Variants in ITCH observed in about 807,000 individuals in gnomAD.
ITCH encodes E3 ubiquitin-protein ligase Itchy homolog.
A neutral mutation model predicts 126.8 loss-of-function variants in ITCH; 28 were observed. The ratio of observed to expected loss-of-function variants is 0.22; its 90% CI spans 0.16 to 0.30. The LOEUF is 0.30. Among genes scored for constraint, ITCH ranks in the 10% least tolerant of loss-of-function variants. The probability of loss-of-function intolerance (pLI) is 1.00; values close to 1 mark genes in which losing one functional copy is unlikely to be tolerated. For synonymous variants in ITCH, 342 were observed against 340.0 expected, an observed-to-expected ratio of 1.01 and a Z score of -0.06; for missense variants, 631 against 1,032.4, an observed-to-expected ratio of 0.61 and a Z score of 5.33.
At chr20:34,482,078 A>T (rs1202859069) in intron 20 of ITCH, among the ~76,000 whole-genome samples, 1 of 152,236 alleles carries the variant, frequency 6.6e-6, no homozygotes, top group Non-Finnish European at 1.5e-5. Context: ...TCATGCAAAC[A>T]GCAGGGGAAA....
intron 3 of ITCH, among the ~76,000 whole-genome samples, chr20:34,394,427 T>G (rs1480743149): frequency 2.0e-5 from 3 of 152,116 alleles, no homozygotes; most frequent in Admixed American, 2.0e-4. Context: ...TATTAACAGC[T>G]TTATTGAGAT....
At chr20:34,376,108 T>C (rs1329616411) in intron 2 of ITCH, among the ~76,000 whole-genome samples, 1 of 152,124 alleles carries the variant, frequency 6.6e-6, no homozygotes, top group Non-Finnish European at 1.5e-5. Context: ...ATTACCACTG[T>C]GGGCAGAATT....
chr20:34,504,188 T>C, intron 23 of ITCH, 143 bp from the exon 24 acceptor site: 1 of 705,004 alleles, frequency 1.4e-6, no homozygotes, highest in Non-Finnish European at 2.6e-6. Context: ...ACCCAGAGTT[T>C]CTGAATTAGT....
At chr20:34,457,104 G>C (rs1019366190) in intron 12 of ITCH, among the ~76,000 whole-genome samples, 9 of 152,010 alleles carry the variant, frequency 5.9e-5, no homozygotes, top group Non-Finnish European at 1.2e-4. Flanking sequence ...CTAAATAACT[G>C]TTCATTATTC....
At chr20:34,485,160 T>A (rs1046105731) in intron 20 of ITCH, among the ~76,000 whole-genome samples, 4 of 152,246 alleles carry the variant, frequency 2.6e-5, no homozygotes, top group African/African-American at 9.6e-5. Context: ...TATTCCATGC[T>A]GTGTATATCT....
intron 16 of ITCH, among the ~76,000 whole-genome samples, chr20:34,473,200 T>C (rs1987811413): frequency 6.6e-6 from 1 of 152,178 alleles, no homozygotes; most frequent in South Asian, 2.1e-4. Flanking sequence ...TTGGATAAAA[T>C]TGCTCTGGGA....
At chr20:34,398,992 C>T (rs1430175922) in intron 3 of ITCH, among the ~76,000 whole-genome samples, 2 of 152,166 alleles carry the variant, frequency 1.3e-5, no homozygotes, top group African/African-American at 4.8e-5. Flanking sequence ...TCCTTAATGA[C>T]ATCGTGGGTT....
intron 7 of ITCH, among the ~76,000 whole-genome samples, chr20:34,428,064 C>G (rs139302765): frequency 6.6e-6 from 1 of 152,288 alleles, no homozygotes; most frequent in Non-Finnish European, 1.5e-5. Flanking sequence ...CTGAGACTGC[C>G]TGACAAATCT....
intron 2 of ITCH, among the ~76,000 whole-genome samples, chr20:34,386,386 T>G (rs965008694): frequency 1.3e-5 from 2 of 152,200 alleles, no homozygotes; most frequent in Admixed American, 6.5e-5. Flanking sequence ...GTAGTGTTTT[T>G]GGGAACATGA....
chr20:34,375,675 C>A (rs550981021), intron 2 of ITCH, among the ~76,000 whole-genome samples: 1 of 141,440 alleles, frequency 7.1e-6, no homozygotes, highest in Non-Finnish European at 1.5e-5. Flanking sequence ...GGAATACACT[C>A]ACAATGTATT....
intron 3 of ITCH, among the ~76,000 whole-genome samples, chr20:34,404,415 CTTTTTTTTTTTTT>C (rs1302908229): frequency 3.3e-5 from 4 of 120,518 alleles, no homozygotes; most frequent in Admixed American, 8.5e-5. Flanking sequence ...GAGCTTCTGT[CTTTTTTTTTTTTT>C]TTTTTTTTGA....
chr20:34,363,523 A>C lies in ITCH; in HGVS notation c.-99+174A>C, dbSNP rs1471411421. On this transcript the variant is annotated intron_variant, in intron 1 of 24. Transcript: ENST00000374864. ...GTCGGGGGCGCGGGGAGCTCGGGCT[A>C]CTGGCCCGGGCCGGGCGGTGGGGGT... Among the ~76,000 whole-genome samples the C allele has an allele frequency of 2.6e-5, 4 of 152,004 alleles. No homozygotes were observed. In the East Asian group the frequency reaches 7.8e-4, roughly 30 times the overall value.
rs943782511 is a variant in ITCH, at chr20:34,509,712, C to G, written c.*1918C>G. The G allele has an allele frequency of 6.6e-6, 1 of 152,594 alleles. No homozygotes were observed. The highest frequency in any genetic ancestry group is 2.4e-5 in the African/African-American group (1 of 41,438). The allele number at this position is 152,594 out of a possible 1,614,324, so 9.5% of individuals were successfully genotyped here. ...TTTTTGTTGGTAGGGAGAAAAAACGCTATTGCTTTGTCTTACAGAGCGAAT... is the reference window on the plus strand; with the variant it reads ...TTTTTGTTGGTAGGGAGAAAAAACGGTATTGCTTTGTCTTACAGAGCGAAT... On this transcript the variant is annotated 3_prime_UTR_variant, in exon 25 of 25. Coordinates refer to ENST00000374864, the MANE Select transcript of ITCH (RefSeq NM_031483.7).
At chr20:34,436,365 TCTA>T (rs1470118422) in intron 7 of ITCH, among the ~76,000 whole-genome samples, 5 of 152,238 alleles carry the variant, frequency 3.3e-5, no homozygotes, top group Non-Finnish European at 5.9e-5. Flanking sequence ...TTTGGTCTAT[TCTA>T]CTCATTGTTA....
chr20:34,496,817 AAAAAG>A (rs1989919412), intron 23 of ITCH, among the ~76,000 whole-genome samples: 1 of 151,788 alleles, frequency 6.6e-6, no homozygotes, highest in Non-Finnish European at 1.5e-5. Flanking sequence ...AAAAAAAAAA[AAAAAG>A]AAAAGAGAAA....
chr20:34,413,684 A>G, intron 5 of ITCH, 58 bp from the exon 6 acceptor site: 1 of 1,506,650 alleles, frequency 6.6e-7, no homozygotes, highest in East Asian at 2.3e-5. Context: ...TTTAACAGTT[A>G]AGATGCCTTA....
In ITCH at chr20:34,464,346, TCACTCTTTTTGCC is replaced by T. The variant is rs991058833; in HGVS notation, c.1424+2141_1424+2153del. On this transcript the variant is annotated intron_variant, in intron 14 of 24. Transcript: ENST00000374864. ...TCTTTTTTTTTTTTGAGACGGAGCT[TCACTCTTTTTGCC>T]CACTCTTTTTGCCCAGGAGTGCAAT... Among the ~76,000 whole-genome samples the T allele has an allele frequency of 2.3e-4, 35 of 150,306 alleles. No homozygotes were observed. The East Asian group carries it at 3.5e-3, about 15-fold the overall frequency.
At chr20:34,434,135 G>T (rs949806387) in intron 7 of ITCH, among the ~76,000 whole-genome samples, 1 of 152,012 alleles carries the variant, frequency 6.6e-6, no homozygotes, top group Non-Finnish European at 1.5e-5. Flanking sequence ...AAATTAGCTG[G>T]GTATGGTGGT....
chr20:34,396,838 CTT>C (rs1439225259), intron 3 of ITCH, among the ~76,000 whole-genome samples: 1 of 151,972 alleles, frequency 6.6e-6, no homozygotes, highest in Admixed American at 6.6e-5. Context: ...ATATCTCTGT[CTT>C]TATTTCTTCC....
Sources: allele counts gnomAD v4.1 joint callset (sites outside exome capture counted in the v4.1 genomes callset), GRCh38; gene constraint gnomAD v4.1.1; transcripts MANE v1.5; gene names NCBI Gene and HGNC (gene_info 2026-07-23, HGNC 2026-07-21).